The following GRIK2 variants were observed in gnomAD, a reference collection of about 807,000 sequenced individuals.
The protein encoded by GRIK2 is glutamate receptor ionotropic, kainate 2.
GRIK2 carries 32 observed loss-of-function variants against 100.3 expected under a neutral mutation model. The ratio of observed to expected loss-of-function variants is 0.32; its 90% CI spans 0.24 to 0.43. The LOEUF (loss-of-function observed/expected upper bound fraction) is 0.43, where lower values mean the gene tolerates loss of function less well. Among genes scored for constraint, GRIK2 ranks in the 20% least tolerant of loss-of-function variants. The probability of loss-of-function intolerance (pLI) is 1.00; values close to 1 mark genes in which losing one functional copy is unlikely to be tolerated. For synonymous variants in GRIK2, 417 were observed against 389.4 expected (o/e 1.07, Z -0.83); for missense variants, 843 against 1,114.9 (o/e 0.76, Z 3.47).
chr6:101,713,518 A>T (rs2128360484), intron 7 of GRIK2, among the ~76,000 whole-genome samples: 1 of 151,912 alleles, frequency 6.6e-6, no homozygotes, highest in Admixed American at 6.6e-5. Flanking sequence ...GGGCTTTATT[A>T]TCTTCAAGCA....
At chr6:101,538,586 T>A (rs1414756353) in intron 2 of GRIK2, among the ~76,000 whole-genome samples, 2 of 151,080 alleles carry the variant, frequency 1.3e-5, no homozygotes, top group Non-Finnish European at 3.0e-5. Flanking sequence ...GAGTCAGTAA[T>A]ATTGACACAC....
At chr6:102,002,673 G>T (rs1795013243) in intron 14 of GRIK2, among the ~76,000 whole-genome samples, 1 of 150,000 alleles carries the variant, frequency 6.7e-6, no homozygotes. Flanking sequence ...TTAACATATT[G>T]AATACAATAA....
intron 2 of GRIK2, among the ~76,000 whole-genome samples, chr6:101,492,563 T>C (rs184444818): frequency 6.6e-6 from 1 of 152,136 alleles, no homozygotes; most frequent in Admixed American, 6.5e-5. Flanking sequence ...CTGTATCTTT[T>C]TGATATGGCT....
rs1786380611 is a variant in GRIK2 at position 101,883,229 on chromosome 6, GAAGTATT to G, written c.1525-6410_1525-6404del. ...AAATGACCCAACAGCTAATCTAAAAGAAGTATTTGGGTGAAAAAAAATCAATGAAAAT... is the reference window on the plus strand; with the variant it reads ...AAATGACCCAACAGCTAATCTAAAAGTGGGTGAAAAAAAATCAATGAAAAT... On this transcript the variant is annotated intron_variant, in intron 11 of 16. Coordinates refer to ENST00000369134, the MANE Select transcript of GRIK2 (RefSeq NM_021956.5). Among the ~76,000 whole-genome samples, 9 of 150,124 alleles carry G rather than the reference GAAGTATT, an allele frequency of 6.0e-5. No individual in the cohort carries two copies. In the East Asian group the frequency reaches 1.8e-3, roughly 29 times the overall value.
intron 10 of GRIK2, among the ~76,000 whole-genome samples, chr6:101,855,530 A>C (rs577030201): frequency 2.6e-5 from 4 of 152,272 alleles, no homozygotes; most frequent in African/African-American, 9.6e-5. Context: ...CCCTGTCAGA[A>C]AAATCAATCA....
intron 7 of GRIK2, among the ~76,000 whole-genome samples, chr6:101,696,397 C>A (rs564963259): frequency 2.0e-4 from 31 of 151,812 alleles, no homozygotes; most frequent in African/African-American, 6.5e-4. Context: ...AATTACCTAC[C>A]TCTGGATCCC....
chr6:101,733,708 CTTTTTTTTTTTTTT>C (rs34438783), intron 7 of GRIK2, among the ~76,000 whole-genome samples: 7 of 83,938 alleles, frequency 8.3e-5, no homozygotes, highest in Non-Finnish European at 1.4e-4. Flanking sequence ...ATTCCTCTTT[CTTTTTTTTTTTTTT>C]TTTTTTTTTT....
chr6:101,996,186 T>C (rs555835309), intron 14 of GRIK2, among the ~76,000 whole-genome samples: 54 of 152,230 alleles, frequency 3.5e-4, no homozygotes, highest in Non-Finnish European at 6.0e-4. Flanking sequence ...CCGAAGTTCA[T>C]TTCTAAAATA....
chr6:101,552,087 G>A (rs1776540073), intron 2 of GRIK2, among the ~76,000 whole-genome samples: 1 of 151,964 alleles, frequency 6.6e-6, no homozygotes, highest in African/African-American at 2.4e-5. Flanking sequence ...GTTTTTTTCA[G>A]TATCATGACT....
chr6:101,820,893 A>G (rs1306080315), intron 10 of GRIK2, among the ~76,000 whole-genome samples: 3 of 152,204 alleles, frequency 2.0e-5, no homozygotes, highest in Non-Finnish European at 4.4e-5. Context: ...TTTATGTACC[A>G]GAATACTCCA....
intron 12 of GRIK2, 88 bp from the exon 13 acceptor site, chr6:101,924,513 T>G (rs1382129067): frequency 1.4e-6 from 1 of 740,716 alleles, no homozygotes; most frequent in African/African-American, 1.7e-5. Flanking sequence ...CTTATCTGTC[T>G]TTTTGTTTCT....
intron 4 of GRIK2, among the ~76,000 whole-genome samples, chr6:101,673,499 G>A (rs988723965): frequency 1.3e-5 from 2 of 152,090 alleles, no homozygotes; most frequent in Non-Finnish European, 2.9e-5. Flanking sequence ...AAGCAGCCCC[G>A]TGCTTGCATC....
intron 7 of GRIK2, among the ~76,000 whole-genome samples, chr6:101,721,729 T>C (rs1008319508): frequency 1.3e-5 from 2 of 152,106 alleles, no homozygotes; most frequent in African/African-American, 2.4e-5. Flanking sequence ...CTCTGGTCTT[T>C]CTGTTGTTTG....
At chr6:101,500,064 A>G (rs2128272917) in intron 2 of GRIK2, among the ~76,000 whole-genome samples, 1 of 152,268 alleles carries the variant, frequency 6.6e-6, no homozygotes, top group Middle Eastern at 3.4e-3. Flanking sequence ...TCACATATGG[A>G]TATAAGAACT....
At chr6:101,811,680 A>C (rs1781332182) in intron 9 of GRIK2, among the ~76,000 whole-genome samples, 1 of 151,992 alleles carries the variant, frequency 6.6e-6, no homozygotes, top group Non-Finnish European at 1.5e-5. Context: ...CGGTGTACAC[A>C]AAACAGAGCT....
intron 14 of GRIK2, among the ~76,000 whole-genome samples, chr6:102,017,340 G>A (rs1288669782): frequency 6.6e-6 from 1 of 152,140 alleles, no homozygotes; most frequent in Admixed American, 6.5e-5. Context: ...TCACTGTCAT[G>A]AGAACAGCAT....
At chr6:101,791,701 G>A (rs1779872684) in intron 7 of GRIK2, among the ~76,000 whole-genome samples, 1 of 152,098 alleles carries the variant, frequency 6.6e-6, no homozygotes, top group Admixed American at 6.5e-5. Flanking sequence ...GGGGTGGAGA[G>A]TTCTGTAGAT....
At chr6:101,843,786 G>A (rs760438710) in intron 10 of GRIK2, among the ~76,000 whole-genome samples, 6 of 152,120 alleles carry the variant, frequency 3.9e-5, no homozygotes, top group Non-Finnish European at 7.4e-5. Flanking sequence ...CCTCAGTTTT[G>A]TAATTTTAAT....
At chr6:102,050,593 G>A (rs1226569424) in intron 15 of GRIK2, among the ~76,000 whole-genome samples, 2 of 148,078 alleles carry the variant, frequency 1.4e-5, no homozygotes, top group Non-Finnish European at 3.0e-5. Flanking sequence ...GTTGCAGTGA[G>A]CCAAGATGGC....
Sources: allele counts gnomAD v4.1 joint callset (sites outside exome capture counted in the v4.1 genomes callset), GRCh38; gene constraint gnomAD v4.1.1; transcripts MANE v1.5; gene names NCBI Gene and HGNC (gene_info 2026-07-23, HGNC 2026-07-21).